Variants in DUXA observed in about 807,000 individuals in gnomAD.
DUXA encodes the protein double homeobox A, also known as double homeobox protein A.
A neutral mutation model predicts 27.5 loss-of-function variants in DUXA; 25 were observed. That is an observed-to-expected ratio of 0.91 (90% CI 0.66 to 1.27). DUXA has a LOEUF of 1.27. Ranked by LOEUF, DUXA falls within the 50% of genes most tolerant of loss-of-function variation. The pLI, the probability that DUXA is intolerant of heterozygous loss-of-function variation, is 0.00. For synonymous variants in DUXA, 90 were observed against 80.5 expected, an observed-to-expected ratio of 1.12 and a Z score of -0.63; for missense variants, 247 against 242.9, an observed-to-expected ratio of 1.02 and a Z score of -0.11.
intron 2 of DUXA, among the ~76,000 whole-genome samples, chr19:57,159,980 C>G (rs1166173759): frequency 6.6e-6 from 1 of 152,112 alleles, no homozygotes; most frequent in Non-Finnish European, 1.5e-5. Flanking sequence ...CGGCAGGCGC[C>G]TGTAGTCCCA....
intron 3 of DUXA, 76 bp downstream of exon 3, chr19:57,159,091 A>G (rs1256028440): frequency 7.7e-7 from 1 of 1,297,500 alleles, no homozygotes; most frequent in Non-Finnish European, 1.1e-6. Flanking sequence ...GGGAGGAGAC[A>G]TTCTTTTTTC....
chr19:57,165,324 A>AAT (rs74179420), intron 1 of DUXA, among the ~76,000 whole-genome samples: 3,050 of 89,190 alleles, frequency 0.034, 79 homozygotes, highest in East Asian at 0.11. Flanking sequence ...AAAAAAAAAA[A>AAT]ATATATATAT....
chr19:57,166,317 G>A (rs952610942), intron 1 of DUXA, among the ~76,000 whole-genome samples: 15 of 152,058 alleles, frequency 9.9e-5, no homozygotes, highest in Admixed American at 3.3e-4. Context: ...ATGTATGTAT[G>A]TATGTATTTT....
chr19:57,154,759 T>A (rs1204064891), intron 5 of DUXA, among the ~76,000 whole-genome samples: 1 of 151,978 alleles, frequency 6.6e-6, no homozygotes, highest in East Asian at 1.9e-4. Flanking sequence ...GAGACGGGGT[T>A]TCACCGTGTT....
chr19:57,162,726 C>G (rs760232089), intron 1 of DUXA, among the ~76,000 whole-genome samples: 2 of 152,200 alleles, frequency 1.3e-5, no homozygotes, highest in South Asian at 4.1e-4. Flanking sequence ...AGGCACGTGC[C>G]GCCACGCCTG....
rs1046237248 is a variant in DUXA at position 57,154,352 on chromosome 19, G to C, written c.*60C>G. 1.3e-6 allele frequency: 2 copies of C among 1,484,462 alleles called. No homozygotes were observed. Among genetic ancestry groups the C allele is most frequent in the Non-Finnish European group, 1.9e-6 (2 of 1,064,962 alleles). The allele number at this position is 1,484,462 out of a possible 1,614,324, so 92.0% of individuals were successfully genotyped here. A position where few individuals can be genotyped will look rare whatever the true frequency, so the allele number is the denominator to read the frequency against. On this transcript the variant is annotated 3_prime_UTR_variant, in exon 6 of 6. Transcript: ENST00000554048. ...CAGCAGAAGGATAGACTCCCAGGAA[G>C]ACCGTGAGACAGATTTGGGGTCCAG... is the stretch of plus-strand genomic sequence containing the variant.
chr19:57,161,578 G>C (rs894996066), intron 1 of DUXA, among the ~76,000 whole-genome samples: 5 of 151,086 alleles, frequency 3.3e-5, no homozygotes, highest in East Asian at 1.9e-4. Context: ...AGCCGAGATT[G>C]CGCCACTGCA....
Position 57,154,370 on chromosome 19 carries a change from G to T in DUXA, c.*42C>A. On this transcript the variant is annotated 3_prime_UTR_variant, in exon 6 of 6. Coordinates refer to ENST00000554048, the MANE Select transcript of DUXA (RefSeq NM_001012729.2). ...CCAGGAAGACCGTGAGACAGATTTGGGGTCCAGTTGATATTATCAAGTACA... is the reference window on the plus strand; with the variant it reads ...CCAGGAAGACCGTGAGACAGATTTGTGGTCCAGTTGATATTATCAAGTACA... The T allele has an allele frequency of 6.4e-7, 1 of 1,556,488 alleles. No homozygotes were observed. The highest frequency in any genetic ancestry group is 8.9e-7 in the Non-Finnish European group (1 of 1,128,620).
rs1475281727 is a variant in DUXA, at chr19:57,167,458, C to G, written c.-15G>C. ...TCTTCGGCCATGCTGGAAGAGAGTCCTGAAGGCTGAGCCACTGTCTGGGAG... is the reference window on the plus strand; with the variant it reads ...TCTTCGGCCATGCTGGAAGAGAGTCGTGAAGGCTGAGCCACTGTCTGGGAG... On this transcript the variant is annotated 5_prime_UTR_variant, in exon 1 of 6. Transcript: ENST00000554048. 2 of 1,613,080 alleles carry G rather than the reference C, an allele frequency of 1.2e-6. No individual in the cohort carries two copies. The highest frequency in any genetic ancestry group is 1.7e-6 in the Non-Finnish European group (2 of 1,179,702).
intron 2 of DUXA, among the ~76,000 whole-genome samples, chr19:57,160,320 C>T (rs924180113): frequency 2.0e-5 from 3 of 152,228 alleles, no homozygotes; most frequent in Non-Finnish European, 4.4e-5. Flanking sequence ...TCACAATCTG[C>T]TGCCAACATG....
At chr19:57,164,466 T>C (rs184668945) in intron 1 of DUXA, among the ~76,000 whole-genome samples, 2 of 152,094 alleles carry the variant, frequency 1.3e-5, no homozygotes, top group Non-Finnish European at 2.9e-5. Context: ...TCCCAGCAAC[T>C]TGGGAGGCTG....
At chr19:57,162,994 C>T (rs183252348) in intron 1 of DUXA, among the ~76,000 whole-genome samples, 11 of 151,836 alleles carry the variant, frequency 7.2e-5, no homozygotes, top group East Asian at 5.8e-4. Flanking sequence ...CCTCATCATA[C>T]GCGACATTCC....
At position 57,154,102 on chromosome 19, in the gene DUXA, G is replaced by C. The variant is rs1011809111; in HGVS notation, c.*310C>G. On this transcript the variant is annotated 3_prime_UTR_variant, in exon 6 of 6. Transcript: ENST00000554048. The stretch of plus-strand genomic sequence containing the variant: ...GGATCTAGGCTGTGTCAACAGGGTA[G>C]TGTGGTACCCCCTGTACCCGTCTCT... The C allele has an allele frequency of 3.7e-5, 9 of 240,480 alleles. No individual in the cohort carries two copies. The highest frequency in any genetic ancestry group is 7.4e-5 in the Non-Finnish European group (9 of 122,162). 14.9% of individuals were successfully genotyped at this position (240,480 alleles called of 1,614,324 possible).
intron 2 of DUXA, 32 bp from the exon 3 acceptor site, chr19:57,159,310 G>A (rs540417676): frequency 2.1e-5 from 34 of 1,589,286 alleles, no homozygotes; most frequent in Middle Eastern, 1.7e-4. Flanking sequence ...AGAGAATTAC[G>A]TGTTAATGTC....
intron 1 of DUXA, 67 bp downstream of exon 1, chr19:57,167,352 C>G: frequency 1.3e-6 from 2 of 1,595,152 alleles, no homozygotes; most frequent in South Asian, 2.2e-5. Context: ...CTGACAAGAC[C>G]ACTGGGTTTT....
At chr19:57,159,066 A>G in intron 3 of DUXA, 101 bp downstream of exon 3, 2 of 973,630 alleles carry the variant, frequency 2.1e-6, no homozygotes, top group Non-Finnish European at 3.1e-6. Flanking sequence ...TAAGACCCTG[A>G]ACAGGAGGTC....
chr19:57,158,449 G>T lies in DUXA; in HGVS notation c.317C>A (p.Thr106Asn). ...GTGTAACTGAGAGGCGCTGTAGGTG[G>T]TACGACACCGTCTGGCTTCTCTACC... ...FQSREARRCR[T>N]TYSASQLHTL... The change falls in exon 4 of 6, where the codon ACC becomes AAC. Residue 106 changes from threonine to asparagine, a missense_variant. By Grantham distance (65) the Thr-to-Asn change is moderately conservative. Transcript: ENST00000554048. The T allele has an allele frequency of 6.2e-7, 1 of 1,613,734 alleles. No homozygotes were observed. Among genetic ancestry groups the T allele is most frequent in the Non-Finnish European group, 8.5e-7 (1 of 1,179,678 alleles).
intron 1 of DUXA, among the ~76,000 whole-genome samples, chr19:57,165,937 T>C (rs527644775): frequency 3.3e-5 from 5 of 152,134 alleles, no homozygotes; most frequent in Non-Finnish European, 4.4e-5. Flanking sequence ...TGATGAGTAT[T>C]TCCACGGCAA....
Position 57,166,680 on chromosome 19 carries a change from A to G in DUXA, c.25+739T>C, listed in dbSNP as rs115562085. ...TGAGAATAGGTTGGTGGAAGCAGGG[A>G]GATCAGTTAGGAGAAGACTGCAATA... On this transcript the variant is annotated intron_variant, in intron 1 of 5. Coordinates refer to ENST00000554048, the MANE Select transcript of DUXA (RefSeq NM_001012729.2). Among the ~76,000 whole-genome samples, 438 of 152,310 alleles carry G rather than the reference A, an allele frequency of 2.9e-3. 1 individual carries two copies. Among genetic ancestry groups the G allele is most frequent in the African/African-American group, 9.9e-3 (412 of 41,568 alleles).
Sources: allele counts gnomAD v4.1 joint callset (sites outside exome capture counted in the v4.1 genomes callset), GRCh38; gene constraint gnomAD v4.1.1; transcripts MANE v1.5; gene names NCBI Gene and HGNC (gene_info 2026-07-23, HGNC 2026-07-21).